The following KIAA1549L variants were observed in gnomAD, a reference collection of about 807,000 sequenced individuals.
KIAA1549L encodes UPF0606 protein KIAA1549L.
KIAA1549L carries 88 observed loss-of-function variants against 160.7 expected under a neutral mutation model. The observed-to-expected ratio is 0.55, with a 90% CI of 0.46 to 0.65. The LOEUF (loss-of-function observed/expected upper bound fraction) is 0.65, where lower values mean the gene tolerates loss of function less well. Among genes scored for constraint, KIAA1549L ranks in the 30% least tolerant of loss-of-function variants. The pLI, the probability that KIAA1549L is intolerant of heterozygous loss-of-function variation, is 0.00. For missense variants in KIAA1549L, 2,258 were observed against 2,437.5 expected, an observed-to-expected ratio of 0.93 and a Z score of 1.55; for synonymous variants, 950 against 976.7, an observed-to-expected ratio of 0.97 and a Z score of 0.51.
intron 8 of KIAA1549L, among the ~76,000 whole-genome samples, chr11:33,565,264 T>C (rs1855010362): frequency 6.6e-6 from 1 of 152,182 alleles, no homozygotes; most frequent in Non-Finnish European, 1.5e-5. Context: ...AGCCACATCC[T>C]GGGACACATT....
intron 1 of KIAA1549L, among the ~76,000 whole-genome samples, chr11:33,518,323 G>T (rs1448184251): frequency 6.6e-6 from 1 of 152,124 alleles, no homozygotes; most frequent in Admixed American, 6.5e-5. Context: ...CTGAGGCTTA[G>T]ATAAAGTGAT....
chr11:33,558,035 T>G (rs1854706269), intron 6 of KIAA1549L, among the ~76,000 whole-genome samples: 1 of 152,238 alleles, frequency 6.6e-6, no homozygotes, highest in Admixed American at 6.5e-5. Flanking sequence ...AAACCCTGAC[T>G]TGATCATTAC....
intron 13 of KIAA1549L, among the ~76,000 whole-genome samples, chr11:33,604,041 T>A (rs1047244965): frequency 1.3e-5 from 2 of 152,140 alleles, no homozygotes; most frequent in African/African-American, 4.8e-5. Flanking sequence ...GGAATATGTA[T>A]TTTAGGGATA....
At chr11:33,532,351 T>G (rs1411301324) in intron 1 of KIAA1549L, among the ~76,000 whole-genome samples, 2 of 152,228 alleles carry the variant, frequency 1.3e-5, no homozygotes, top group Non-Finnish European at 2.9e-5. Context: ...AGCAAAACTT[T>G]GATGGCATCT....
At chr11:33,647,315 G>T (rs1211535676) in intron 17 of KIAA1549L, among the ~76,000 whole-genome samples, 1 of 148,766 alleles carries the variant, frequency 6.7e-6, no homozygotes, top group East Asian at 2.0e-4. Flanking sequence ...GGCAGAAGTT[G>T]CAGTGAGCCA....
intron 8 of KIAA1549L, among the ~76,000 whole-genome samples, chr11:33,566,328 C>T (rs1464887347): frequency 2.0e-5 from 3 of 152,138 alleles, no homozygotes; most frequent in African/African-American, 7.2e-5. Context: ...GTCATTTGAT[C>T]TGTTATTTTG....
chr11:33,463,360 G>A (rs1851981351), intron 1 of KIAA1549L, among the ~76,000 whole-genome samples: 5 of 150,890 alleles, frequency 3.3e-5, no homozygotes, highest in Admixed American at 3.3e-4. Flanking sequence ...ATTTAGTTTT[G>A]TTAGTCTCTT....
intron 15 of KIAA1549L, among the ~76,000 whole-genome samples, chr11:33,614,566 ATATATATATATATATATATTTTT>A (rs1850748724): frequency 5.0e-4 from 7 of 13,984 alleles, no homozygotes; most frequent in African/African-American, 4.3e-3. Flanking sequence ...ATATATATAT[ATATATATATATATATATATTTTT>A]TTTTTTTTTT....
intron 1 of KIAA1549L, among the ~76,000 whole-genome samples, chr11:33,501,374 A>G (rs773293411): frequency 5.3e-5 from 8 of 152,228 alleles, no homozygotes; most frequent in Non-Finnish European, 1.0e-4. Flanking sequence ...CATATCTCTC[A>G]CTGTCCAAAG....
chr11:33,649,353 A>G lies in KIAA1549L; in HGVS notation c.5760+3317A>G, dbSNP rs1590440187. On this transcript the variant is annotated intron_variant, in intron 17 of 20. Transcript: ENST00000658780. ...CCTGTCTCTACGGGGGAAAAAAAAA[A>G]AAAAAAAAAAAATTGGCTGGGCCTG... Among the ~76,000 whole-genome samples, 4 of 150,916 alleles carry G rather than the reference A, an allele frequency of 2.7e-5. No homozygotes were observed. The South Asian group carries it at 8.4e-4, about 32-fold the overall frequency.
chr11:33,396,755 C>T (rs570542902), intron 1 of KIAA1549L, among the ~76,000 whole-genome samples: 24 of 152,010 alleles, frequency 1.6e-4, no homozygotes, highest in Non-Finnish European at 2.9e-4. Flanking sequence ...AGTTTGAGAC[C>T]AGCCTGGCCA....
At chr11:33,494,204 A>G (rs1852761405) in intron 1 of KIAA1549L, among the ~76,000 whole-genome samples, 1 of 152,228 alleles carries the variant, frequency 6.6e-6, no homozygotes, top group South Asian at 2.1e-4. Context: ...ACATGACCCT[A>G]ATATTGAAAT....
chr11:33,622,091 T>G (rs536521189), intron 16 of KIAA1549L, among the ~76,000 whole-genome samples: 1 of 152,288 alleles, frequency 6.6e-6, no homozygotes, highest in South Asian at 2.1e-4. Flanking sequence ...GGATGGTTGA[T>G]TCATTGGTGC....
chr11:33,530,481 A>G (rs1305359113), intron 1 of KIAA1549L, among the ~76,000 whole-genome samples: 1 of 129,504 alleles, frequency 7.7e-6, no homozygotes, highest in African/African-American at 2.9e-5. Context: ...ATATATATAT[A>G]TATGCAAGAT....
intron 1 of KIAA1549L, among the ~76,000 whole-genome samples, chr11:33,505,658 A>G (rs959940323): frequency 3.3e-5 from 5 of 152,166 alleles, no homozygotes; most frequent in African/African-American, 7.2e-5. Flanking sequence ...GAGCAAAGCA[A>G]TGGGACAGTT....
intron 16 of KIAA1549L, among the ~76,000 whole-genome samples, chr11:33,641,574 A>ATG (rs1851581843): frequency 3.1e-3 from 2 of 644 alleles, no homozygotes; most frequent in African/African-American, 9.3e-3. Context: ...ATGGATCTGT[A>ATG]TATATATATA....
chr11:33,417,435 G>A (rs907091319), intron 1 of KIAA1549L, among the ~76,000 whole-genome samples: 1 of 152,058 alleles, frequency 6.6e-6, no homozygotes, highest in Non-Finnish European at 1.5e-5. Flanking sequence ...AAAGGTGCTG[G>A]TTATCACCTA....
intron 1 of KIAA1549L, among the ~76,000 whole-genome samples, chr11:33,443,363 C>G (rs1259387747): frequency 6.6e-6 from 1 of 151,316 alleles, no homozygotes; most frequent in Non-Finnish European, 1.5e-5. Context: ...AAAACTTTAT[C>G]TGTGGGGATT....
At chr11:33,522,022 G>A (rs1185531783) in intron 1 of KIAA1549L, among the ~76,000 whole-genome samples, 1 of 152,156 alleles carries the variant, frequency 6.6e-6, no homozygotes, top group Non-Finnish European at 1.5e-5. Flanking sequence ...GCCTCAGTTT[G>A]TGAAACATCT....
Sources: allele counts gnomAD v4.1 joint callset (sites outside exome capture counted in the v4.1 genomes callset), GRCh38; gene constraint gnomAD v4.1.1; transcripts MANE v1.5; gene names NCBI Gene and HGNC (gene_info 2026-07-23, HGNC 2026-07-21).